Variants in CD72 observed in about 807,000 individuals in gnomAD.
CD72 encodes the protein B-cell differentiation antigen CD72.
Under a neutral mutation model 50.7 loss-of-function variants are expected in CD72, and 28 were observed. That is an observed-to-expected ratio of 0.55 (90% CI 0.41 to 0.76). CD72 has a LOEUF of 0.76. Ranked by LOEUF, CD72 falls within the 30% of genes least tolerant of loss-of-function variation. The pLI, the probability that CD72 is intolerant of heterozygous loss-of-function variation, is 0.00. For missense variants in CD72, 403 were observed against 420.6 expected, an observed-to-expected ratio of 0.96 and a Z score of 0.37; for synonymous variants, 176 against 171.2, an observed-to-expected ratio of 1.03 and a Z score of -0.22.
intron 1 of CD72, among the ~76,000 whole-genome samples, chr9:35,637,839 C>T (rs1297990312): frequency 1.3e-5 from 2 of 152,100 alleles, no homozygotes; most frequent in Admixed American, 6.5e-5. Context: ...CATTGCAGCC[C>T]AGGGCTGCTC....
intron 1 of CD72, among the ~76,000 whole-genome samples, chr9:35,630,038 T>TTC (rs1207701968): frequency 1.3e-5 from 2 of 148,312 alleles, no homozygotes; most frequent in East Asian, 2.0e-4. Context: ...TTTCTTTTCT[T>TTC]TTTTTTTTTT....
In CD72 at chr9:35,644,928, G is replaced by A. The variant is rs534631916; in HGVS notation, n.408+1475C>T. Among the ~76,000 whole-genome samples the A allele has an allele frequency of 7.0e-4, 84 of 120,632 alleles. No homozygotes were observed. The East Asian group carries it at 0.011, about 15-fold the overall frequency. 79.1% of individuals were successfully genotyped at this position (120,632 alleles called of 152,430 possible). ...AAAAAAAAAAAAAAAAAGGCCGGGC[G>A]CGGTGGCTCACGCCTGTAATCCCAG... On this transcript the variant is annotated intron_variant and non_coding_transcript_variant, in intron 1 of 3. Transcript: ENST00000465754.
At chr9:35,631,136 G>A (rs961891980) in intron 1 of CD72, among the ~76,000 whole-genome samples, 6 of 152,030 alleles carry the variant, frequency 3.9e-5, no homozygotes, top group East Asian at 1.9e-4. Context: ...CTTATTGCTA[G>A]AGTAAAAACA....
At chr9:35,612,674 A>T in intron 6 of CD72, 174 bp downstream of exon 6, 1 of 632,494 alleles carries the variant, frequency 1.6e-6, no homozygotes. Flanking sequence ...CTGTGCTGAG[A>T]AGATGCAGAG....
chr9:35,623,239 T>C (rs1285017538), upstream of CD72, among the ~76,000 whole-genome samples: 2 of 152,248 alleles, frequency 1.3e-5, no homozygotes, highest in Admixed American at 1.3e-4. Flanking sequence ...CAATTGTTTA[T>C]GTAACAAAGT....
chr9:35,618,000 C>A lies in CD72; in HGVS notation c.190+14G>T, dbSNP rs758541801. On this transcript the variant is annotated intron_variant, in intron 2 of 8. Transcript: ENST00000259633. ...AGCCCCCCAACAAACACACATCCCC[C>A]AGGCTCTCCAGACCTGCTTTGTCCC... The A allele has an allele frequency of 2.0e-6, 3 of 1,506,078 alleles. No individual in the cohort carries two copies. Among genetic ancestry groups the A allele is most frequent in the Non-Finnish European group, 2.8e-6 (3 of 1,081,474 alleles). The allele number at this position is 1,506,078 out of a possible 1,614,324, so 93.3% of individuals were successfully genotyped here.
chr9:35,641,107 G>C (rs1329445287), intron 1 of CD72, among the ~76,000 whole-genome samples: 1 of 152,130 alleles, frequency 6.6e-6, no homozygotes, highest in African/African-American at 2.4e-5. Flanking sequence ...AGTGCTGTTG[G>C]GGAGGTTGGC....
upstream of CD72, chr9:35,618,635 T>A (rs1418247992): frequency 1.6e-6 from 1 of 613,218 alleles, no homozygotes; most frequent in Non-Finnish European, 2.6e-6. Context: ...TGGGCCATGC[T>A]GGGCCCCAAA....
chr9:35,624,798 A>G (rs935140630), intron 1 of CD72, among the ~76,000 whole-genome samples: 3 of 151,956 alleles, frequency 2.0e-5, no homozygotes, highest in Non-Finnish European at 4.4e-5. Context: ...AATATTTCAA[A>G]CTTTTTTCAT....
intron 1 of CD72, among the ~76,000 whole-genome samples, chr9:35,638,336 C>T (rs978682143): frequency 2.4e-4 from 37 of 151,968 alleles, no homozygotes; most frequent in Non-Finnish European, 4.9e-4. Context: ...CTCCTCAGGT[C>T]GCTCCCCACC....
chr9:35,622,987 G>T (rs1823159488), upstream of CD72, among the ~76,000 whole-genome samples: 1 of 152,050 alleles, frequency 6.6e-6, no homozygotes, highest in South Asian at 2.1e-4. Flanking sequence ...CATGCTTATG[G>T]TCTCAGCTTC....
chr9:35,613,823 G>T (rs931537420), intron 5 of CD72, among the ~76,000 whole-genome samples: 2 of 152,092 alleles, frequency 1.3e-5, no homozygotes, highest in Non-Finnish European at 2.9e-5. Flanking sequence ...GGTCAACATG[G>T]TGAAACCCCA....
chr9:35,621,276 C>G (rs1429510163), upstream of CD72, among the ~76,000 whole-genome samples: 5 of 152,200 alleles, frequency 3.3e-5, no homozygotes, highest in South Asian at 1.0e-3. Flanking sequence ...GGCCTCCCCA[C>G]TACTCATTAC....
At chr9:35,616,336 G>T in intron 4 of CD72, 58 bp from the exon 5 acceptor site, 1 of 1,359,020 alleles carries the variant, frequency 7.4e-7, no homozygotes, top group South Asian at 1.3e-5. Flanking sequence ...AGTGCCCTGA[G>T]ACTGCAGCAT....
At chr9:35,621,529 C>A (rs1237344358), upstream of CD72, among the ~76,000 whole-genome samples, 1 of 152,190 alleles carries the variant, frequency 6.6e-6, no homozygotes, top group Non-Finnish European at 1.5e-5. Flanking sequence ...AGAATAATGG[C>A]CTCCCAAAAA....
upstream of CD72, among the ~76,000 whole-genome samples, chr9:35,620,512 A>C (rs1041181138): frequency 1.3e-5 from 2 of 151,468 alleles, no homozygotes; most frequent in African/African-American, 4.9e-5. Context: ...CTTGCTGCCT[A>C]ACTTGACCTG....
At chr9:35,624,642 T>G (rs962503096) in intron 1 of CD72, among the ~76,000 whole-genome samples, 1 of 151,966 alleles carries the variant, frequency 6.6e-6, no homozygotes, top group African/African-American at 2.4e-5. Flanking sequence ...TTTATTGCAC[T>G]TCACTTATTA....
At chr9:35,632,001 A>G (rs13296540) in intron 1 of CD72, among the ~76,000 whole-genome samples, 77,038 of 151,942 alleles carry the variant, frequency 0.51, 20,553 homozygotes, top group South Asian at 0.6. Flanking sequence ...TCCCAAAAGG[A>G]GTCTCTCATC....
intron 1 of CD72, among the ~76,000 whole-genome samples, chr9:35,645,602 A>C (rs1287280994): frequency 1.3e-5 from 2 of 151,750 alleles, no homozygotes; most frequent in Admixed American, 6.6e-5. Context: ...AACAAACAAA[A>C]AAAAACTTGG....
Sources: gnomAD v4.1 joint callset for allele counts (sites outside exome capture counted in the v4.1 genomes callset) on GRCh38, gnomAD v4.1.1 for gene constraint, MANE v1.5 for transcripts, NCBI Gene and HGNC (gene_info 2026-07-23, HGNC 2026-07-21) for gene names.